IL1RAPL2: variants seen among roughly 807,000 people sequenced by gnomAD.
The protein encoded by IL1RAPL2 is X-linked interleukin-1 receptor accessory protein-like 2.
Under a neutral mutation model 44.1 loss-of-function variants are expected in IL1RAPL2, and 3 were observed. The ratio of observed to expected loss-of-function variants is 0.07; its 90% CI spans 0.03 to 0.18. The LOEUF is 0.18. Among genes scored for constraint, IL1RAPL2 ranks in the 10% least tolerant of loss-of-function variants. The probability of loss-of-function intolerance (pLI) is 1.00; values close to 1 mark genes in which losing one functional copy is unlikely to be tolerated. For missense variants in IL1RAPL2, 391 were observed against 496.4 expected, an observed-to-expected ratio of 0.79 and a Z score of 2.02; for synonymous variants, 181 against 178.8, an observed-to-expected ratio of 1.01 and a Z score of -0.10.
chrX:104,948,326 A>G (rs139250926), intron 2 of IL1RAPL2, among the ~76,000 whole-genome samples: 8,484 of 108,566 alleles, frequency 0.078, 368 homozygotes, highest in Middle Eastern at 0.23. Flanking sequence ...GGCTGAGACA[A>G]TGGGGTTTTC....
At chrX:104,881,534 CTT>C (rs762549890) in intron 2 of IL1RAPL2, among the ~76,000 whole-genome samples, 1 of 112,251 alleles carries the variant, frequency 8.9e-6, no homozygotes, top group African/African-American at 3.2e-5. Flanking sequence ...GAAATCTGAT[CTT>C]GTTTTGCATG....
chrX:105,595,403 T>C (rs1040375794), intron 6 of IL1RAPL2, among the ~76,000 whole-genome samples: 1 of 111,869 alleles, frequency 8.9e-6, no homozygotes, highest in African/African-American at 3.3e-5. Flanking sequence ...GATCATATTA[T>C]TGAGGCTGCC....
At position 105,414,418 on chromosome X, in the gene IL1RAPL2, G is replaced by A. The variant is rs570950744; in HGVS notation, c.698-69895G>A. Among the ~76,000 whole-genome samples the A allele has an allele frequency of 8.9e-5, 10 of 111,990 alleles. No individual in the cohort carries two copies. In the South Asian group the frequency reaches 3.4e-3, roughly 38 times the overall value. On this transcript the variant is annotated intron_variant, in intron 5 of 10. Coordinates refer to ENST00000372582, the MANE Select transcript of IL1RAPL2 (RefSeq NM_017416.2). ...TGGGATTACAGGCATGAGCCACTGC[G>A]CCAGGCCAACACTATCATTTTCTTA...
intron 2 of IL1RAPL2, among the ~76,000 whole-genome samples, chrX:104,710,490 A>G (rs1447837880): frequency 1.8e-5 from 2 of 111,122 alleles, no homozygotes; most frequent in African/African-American, 3.3e-5. Flanking sequence ...GATAAAGAAA[A>G]TGCTTAATGG....
intron 6 of IL1RAPL2, among the ~76,000 whole-genome samples, chrX:105,544,431 T>G (rs941036440): frequency 2.7e-5 from 3 of 111,289 alleles, no homozygotes; most frequent in Non-Finnish European, 3.8e-5. Flanking sequence ...TTTTTTTTCT[T>G]TCTTCTTATT....
chrX:105,045,979 T>G (rs1189960567), intron 2 of IL1RAPL2, among the ~76,000 whole-genome samples: 1 of 111,627 alleles, frequency 9.0e-6, no homozygotes, highest in African/African-American at 3.3e-5. Context: ...ATGTAATGAC[T>G]ATGCAAAACA....
chrX:104,608,786 G>T (rs1929080384), intron 1 of IL1RAPL2, among the ~76,000 whole-genome samples: 1 of 108,164 alleles, frequency 9.2e-6, no homozygotes, highest in Non-Finnish European at 1.9e-5. Flanking sequence ...ACACTGATGG[G>T]TCTTGACTCT....
intron 4 of IL1RAPL2, among the ~76,000 whole-genome samples, chrX:105,256,944 A>C (rs2034320752): frequency 1.8e-5 from 2 of 110,637 alleles, no homozygotes; most frequent in South Asian, 7.6e-4. Context: ...AATTTCCTTC[A>C]GTTCAGCTGT....
intron 6 of IL1RAPL2, among the ~76,000 whole-genome samples, chrX:105,534,843 CA>C (rs760945847): frequency 8.9e-6 from 1 of 111,960 alleles, no homozygotes; most frequent in Admixed American, 9.5e-5. Flanking sequence ...ACCTAAACCT[CA>C]TACCTTATAC....
At chrX:105,040,414 T>C (rs2031709189) in intron 2 of IL1RAPL2, among the ~76,000 whole-genome samples, 1 of 111,609 alleles carries the variant, frequency 9.0e-6, no homozygotes, top group Non-Finnish European at 1.9e-5. Context: ...TTATGGAGGA[T>C]TCCCTCTTTT....
intron 5 of IL1RAPL2, among the ~76,000 whole-genome samples, chrX:105,382,950 C>G (rs1255897944): frequency 1.2e-5 from 1 of 80,756 alleles, no homozygotes; most frequent in Non-Finnish European, 2.2e-5. Flanking sequence ...AGGGGAACAT[C>G]ACACACTGGG....
At chrX:105,226,134 G>T (rs185755068) in intron 3 of IL1RAPL2, among the ~76,000 whole-genome samples, 36 of 111,256 alleles carry the variant, frequency 3.2e-4, no homozygotes, top group Non-Finnish European at 4.1e-4. Flanking sequence ...TAAGCTTGGG[G>T]TTCTTCTGTA....
chrX:104,748,878 T>C (rs1451691557), intron 2 of IL1RAPL2, among the ~76,000 whole-genome samples: 1 of 111,451 alleles, frequency 9.0e-6, no homozygotes, highest in East Asian at 2.8e-4. Flanking sequence ...TCAGCAGTGA[T>C]TGATAATTAA....
At chrX:105,025,959 A>T (rs1362157974) in intron 2 of IL1RAPL2, among the ~76,000 whole-genome samples, 2 of 111,041 alleles carry the variant, frequency 1.8e-5, no homozygotes, top group Non-Finnish European at 3.8e-5. Context: ...AATAAATGGG[A>T]ACTAATTGAT....
chrX:105,042,728 G>A (rs1193716188), intron 2 of IL1RAPL2, among the ~76,000 whole-genome samples: 2 of 105,765 alleles, frequency 1.9e-5, no homozygotes, highest in Non-Finnish European at 3.9e-5. Context: ...CCATTACTGG[G>A]TATATACCCA....
intron 2 of IL1RAPL2, among the ~76,000 whole-genome samples, chrX:104,708,626 A>T (rs1931401495): frequency 9.0e-6 from 1 of 111,360 alleles, no homozygotes; most frequent in South Asian, 3.8e-4. Flanking sequence ...TTTACTAGAT[A>T]TTGCATCAAT....
intron 2 of IL1RAPL2, among the ~76,000 whole-genome samples, chrX:104,893,346 C>T (rs1344711080): frequency 9.0e-6 from 1 of 111,200 alleles, no homozygotes; most frequent in Non-Finnish European, 1.9e-5. Context: ...TGGATATCCT[C>T]ATTAACTTTC....
At position 104,757,695 on chromosome X, in the gene IL1RAPL2, T is replaced by C. The variant is rs1426559057; in HGVS notation, c.82+98700T>C. ...CATCTCTGGGTACTAGGAATATTGG[T>C]GATTTTCATTTTATTATTTTATGTT... On this transcript the variant is annotated intron_variant, in intron 2 of 10. Coordinates refer to ENST00000372582, the MANE Select transcript of IL1RAPL2 (RefSeq NM_017416.2). Among the ~76,000 whole-genome samples the C allele has an allele frequency of 4.5e-5, 5 of 111,929 alleles. No homozygotes were observed. The South Asian group carries it at 1.9e-3, about 42-fold the overall frequency.
At chrX:105,499,010 C>T (rs1038390327) in intron 6 of IL1RAPL2, among the ~76,000 whole-genome samples, 2 of 110,791 alleles carry the variant, frequency 1.8e-5, no homozygotes, top group South Asian at 3.8e-4. Flanking sequence ...ATCTAGGCTG[C>T]GTGCTCCTTA....
Sources: gnomAD v4.1 joint callset for allele counts (sites outside exome capture counted in the v4.1 genomes callset) on GRCh38, gnomAD v4.1.1 for gene constraint, MANE v1.5 for transcripts, NCBI Gene and HGNC (gene_info 2026-07-23, HGNC 2026-07-21) for gene names.